The following GCH1 variants were observed in gnomAD, a reference collection of about 807,000 sequenced individuals.
GCH1 encodes GTP cyclohydrolase I.
In GCH1, 5 loss-of-function variants were observed where a neutral mutation model predicts 25.9. The ratio of observed to expected loss-of-function variants is 0.19; its 90% confidence interval spans 0.10 to 0.41. The LOEUF is 0.41. GCH1 is among the 10% of genes least tolerant of loss of function. The pLI, the probability that GCH1 is intolerant of heterozygous loss-of-function variation, is 1.00. For synonymous variants in GCH1, 159 were observed against 129.6 expected, an observed-to-expected ratio of 1.23 and a Z score of -1.54; for missense variants, 261 against 336.5, an observed-to-expected ratio of 0.78 and a Z score of 1.75.
At position 54,843,031 on chromosome 14, in the gene GCH1, C is replaced by A. The variant is rs376668776; in HGVS notation, c.*986G>T. 1 of 874,676 alleles carries A rather than the reference C, an allele frequency of 1.1e-6. No individual in the cohort carries two copies. The highest frequency in any genetic ancestry group is 1.7e-5 in the Admixed American group (1 of 58,862). 54.2% of individuals were successfully genotyped at this position (874,676 alleles called of 1,614,324 possible). ...AGTTCATTCTGTGCTCGTTCAGGTGCGTGGAAGCTATGGTTCTGCAGACCT... is the reference window on the plus strand; with the variant it reads ...AGTTCATTCTGTGCTCGTTCAGGTGAGTGGAAGCTATGGTTCTGCAGACCT... On this transcript the variant is annotated 3_prime_UTR_variant, in exon 6 of 6. Coordinates refer to ENST00000491895, the MANE Select transcript of GCH1 (RefSeq NM_000161.3).
intron 3 of GCH1, among the ~76,000 whole-genome samples, chr14:54,853,759 G>C (rs2039769371): frequency 6.6e-6 from 1 of 151,280 alleles, no homozygotes; most frequent in Non-Finnish European, 1.5e-5. Flanking sequence ...TTAATGCTAG[G>C]CTTATCAGGC....
intron 1 of GCH1, among the ~76,000 whole-genome samples, chr14:54,871,091 C>G (rs2040069313): frequency 6.6e-6 from 1 of 152,200 alleles, no homozygotes; most frequent in African/African-American, 2.4e-5. Context: ...AACTGGGAGG[C>G]ACCCCCAAGG....
At chr14:54,846,758 T>A (rs2039648340) in intron 4 of GCH1, among the ~76,000 whole-genome samples, 1 of 152,174 alleles carries the variant, frequency 6.6e-6, no homozygotes, top group Admixed American at 6.5e-5. Context: ...ATACTTTTTG[T>A]GTAGGAAAAA....
Position 54,845,739 on chromosome 14 carries a change from G to T in GCH1, c.626+29C>A, listed in dbSNP as rs749665493. On this transcript the variant is annotated intron_variant, in intron 5 of 5. Transcript: ENST00000491895. ...AAGATCACTTCTAGTGCACCATTAT[G>T]ACGTTACTAAAGGCAGATGCAGACT... is the stretch of plus-strand genomic sequence containing the variant. 5 of 1,218,588 alleles carry T rather than the reference G, an allele frequency of 4.1e-6. No homozygotes were observed. The Admixed American group carries it at 5.0e-5, about 12-fold the overall frequency. 75.5% of individuals were successfully genotyped at this position (1,218,588 alleles called of 1,614,324 possible). A position where few individuals can be genotyped will look rare whatever the true frequency, so the allele number is the denominator to read the frequency against.
At chr14:54,894,390 GAC>G (rs1426218023) in intron 1 of GCH1, among the ~76,000 whole-genome samples, 1 of 152,134 alleles carries the variant, frequency 6.6e-6, no homozygotes, top group Non-Finnish European at 1.5e-5. Context: ...AAGAGGCAAG[GAC>G]AGCCTCCCCC....
At chr14:54,854,209 A>C (rs2039775709) in intron 3 of GCH1, among the ~76,000 whole-genome samples, 1 of 152,228 alleles carries the variant, frequency 6.6e-6, no homozygotes, top group South Asian at 2.1e-4. Flanking sequence ...GTGGTGAGCC[A>C]CCAAAGGAGC....
chr14:54,861,954 C>A (rs1276407336), intron 2 of GCH1, among the ~76,000 whole-genome samples: 1 of 152,108 alleles, frequency 6.6e-6, no homozygotes, highest in Non-Finnish European at 1.5e-5. Flanking sequence ...TTCAAAGATT[C>A]CTTCATTATC....
chr14:54,851,393 G>A (rs2039728177), intron 3 of GCH1, among the ~76,000 whole-genome samples: 1 of 152,162 alleles, frequency 6.6e-6, no homozygotes, highest in South Asian at 2.1e-4. Flanking sequence ...AAACTAAAGA[G>A]CTTCTGCACA....
At position 54,898,852 on chromosome 14, in the gene GCH1, A is replaced by G. The variant is rs115811653; in HGVS notation, c.343+3469T>C. On this transcript the variant is annotated intron_variant, in intron 1 of 5. Coordinates refer to ENST00000491895, the MANE Select transcript of GCH1 (RefSeq NM_000161.3). ...CCAGGCTGGTCTCTTTCTAACTCCT[A>G]ACCTCAAGTAATCCGCCCACCTTGG... is the stretch of plus-strand genomic sequence containing the variant. 9.6e-3 allele frequency among the ~76,000 whole-genome samples: 1,466 copies of G among 152,262 alleles called. 28 individuals are homozygous for G. The highest frequency in any genetic ancestry group is 0.033 in the African/African-American group (1,375 of 41,550).
At position 54,865,316 on chromosome 14, in the gene GCH1, G is replaced by A; in HGVS notation, c.453+11C>T. 1 of 1,253,442 alleles carries A rather than the reference G, an allele frequency of 8.0e-7. No homozygotes were observed. The highest frequency in any genetic ancestry group is 1.2e-6 in the Non-Finnish European group (1 of 852,106). 77.6% of individuals were successfully genotyped at this position (1,253,442 alleles called of 1,614,324 possible). ...TTTTAAATTGCTGGGAAACAACAAA[G>A]AGAACCTTACCTTTCCAACAAATGG... On this transcript the variant is annotated intron_variant, in intron 2 of 5. Transcript: ENST00000491895.
intron 1 of GCH1, among the ~76,000 whole-genome samples, chr14:54,879,916 C>T (rs1002274394): frequency 2.3e-5 from 3 of 130,880 alleles, no homozygotes; most frequent in East Asian, 2.5e-4. Flanking sequence ...TTCTGGGAGG[C>T]GGAGGTTGCC....
intron 1 of GCH1, among the ~76,000 whole-genome samples, chr14:54,866,275 A>G (rs1468628075): frequency 6.6e-6 from 1 of 152,134 alleles, no homozygotes; most frequent in Non-Finnish European, 1.5e-5. Flanking sequence ...GAAGAGGGAT[A>G]GAGGGAAACA....
intron 2 of GCH1, among the ~76,000 whole-genome samples, chr14:54,861,254 GA>G (rs1156898819): frequency 1.3e-5 from 2 of 152,040 alleles, no homozygotes; most frequent in Non-Finnish European, 2.9e-5. Flanking sequence ...TTGGCAGGAG[GA>G]AAAAGTAAAA....
intron 1 of GCH1, among the ~76,000 whole-genome samples, chr14:54,892,953 C>G (rs2040441938): frequency 6.6e-6 from 1 of 152,060 alleles, no homozygotes; most frequent in Admixed American, 6.6e-5. Flanking sequence ...GTGGTGGGCA[C>G]CTGTAATCCC....
intron 3 of GCH1, among the ~76,000 whole-genome samples, chr14:54,857,581 C>G (rs571191218): frequency 4.6e-5 from 7 of 152,370 alleles, no homozygotes; most frequent in African/African-American, 1.7e-4. Flanking sequence ...AGCAATCTTG[C>G]TGACAGGGAG....
intron 1 of GCH1, 128 bp downstream of exon 1, chr14:54,902,193 A>T: frequency 9.8e-7 from 1 of 1,018,324 alleles, no homozygotes; most frequent in Non-Finnish European, 1.5e-6. Context: ...GCGGGTTCGG[A>T]GGTGACAGCG....
Position 54,843,036 on chromosome 14 carries a change from A to G in GCH1, c.*981T>C, listed in dbSNP as rs777628224. ...ATTCTGTGCTCGTTCAGGTGCGTGG[A>G]AGCTATGGTTCTGCAGACCTGAAAA... On this transcript the variant is annotated 3_prime_UTR_variant, in exon 6 of 6. Coordinates refer to ENST00000491895, the MANE Select transcript of GCH1 (RefSeq NM_000161.3). 1.1e-5 allele frequency: 10 copies of G among 905,894 alleles called. No homozygotes were observed. The highest frequency in any genetic ancestry group is 3.4e-5 in the Admixed American group (2 of 58,954). The allele number at this position is 905,894 out of a possible 1,614,324, so 56.1% of individuals were successfully genotyped here.
At chr14:54,891,986 T>A (rs1403215126) in intron 1 of GCH1, among the ~76,000 whole-genome samples, 1 of 152,204 alleles carries the variant, frequency 6.6e-6, no homozygotes, top group Admixed American at 6.5e-5. Flanking sequence ...CTGTGTTTCC[T>A]TCAAGTGAAA....
At chr14:54,894,329 C>A (rs2040458942) in intron 1 of GCH1, among the ~76,000 whole-genome samples, 1 of 152,150 alleles carries the variant, frequency 6.6e-6, no homozygotes, top group African/African-American at 2.4e-5. Flanking sequence ...TGGAGTGACG[C>A]AGCTCAAACC....
Sources: allele counts gnomAD v4.1 joint callset (sites outside exome capture counted in the v4.1 genomes callset), GRCh38; gene constraint gnomAD v4.1.1; transcripts MANE v1.5; gene names NCBI Gene and HGNC (gene_info 2026-07-23, HGNC 2026-07-21).